Variants in CELF2 observed in about 807,000 individuals in gnomAD.
CELF2 encodes CUGBP Elav-like family member 2.
A neutral mutation model predicts 62.6 loss-of-function variants in CELF2; 8 were observed. The ratio of observed to expected loss-of-function variants is 0.13; its 90% CI spans 0.07 to 0.23. The LOEUF (loss-of-function observed/expected upper bound fraction) is 0.23, where lower values mean the gene tolerates loss of function less well. CELF2 is among the 10% of genes least tolerant of loss of function. The pLI is 1.00. For missense variants in CELF2, 333 were observed against 671.0 expected (o/e 0.50, Z 5.56); for synonymous variants, 258 against 250.0 (o/e 1.03, Z -0.30).
In CELF2 at chr10:11,275,229, A is replaced by G. The variant is rs1590352053; in HGVS notation, c.841+109A>G. On this transcript the variant is annotated intron_variant, in intron 8 of 12. Coordinates refer to ENST00000633077, the MANE Select transcript of CELF2 (RefSeq NM_001326342.2). ...GGGAAGAGAACCAAGAATGATGATC[A>G]GACTTGTTAGCTTTCTGTCTTTGGT... 1.7e-5 allele frequency: 19 copies of G among 1,093,764 alleles called. No homozygotes were observed. In the East Asian group the frequency reaches 1.9e-4, roughly 11 times the overall value. 67.8% of individuals were successfully genotyped at this position (1,093,764 alleles called of 1,614,324 possible). A position where few individuals can be genotyped will look rare whatever the true frequency, so the allele number is the denominator to read the frequency against.
chr10:10,825,490 A>T (rs1203461583), intron 1 of CELF2, among the ~76,000 whole-genome samples: 1 of 152,192 alleles, frequency 6.6e-6, no homozygotes, highest in Non-Finnish European at 1.5e-5. Context: ...GATTACAGGC[A>T]TGAGCCACCG....
chr10:11,315,523 T>C lies in CELF2; in HGVS notation c.1096+1265T>C, dbSNP rs1345790047. On this transcript the variant is annotated intron_variant, in intron 10 of 12. Transcript: ENST00000633077. The surrounding 1 kb of genome is among the most constrained non-coding windows in gnomAD (Gnocchi z 5.8). Reference sequence around the variant, plus strand: ...AAATTTATCCAAATAAAAATTAACTTGTATAATCCTGATAAATCATTTTCA... The same window carrying C: ...AAATTTATCCAAATAAAAATTAACTCGTATAATCCTGATAAATCATTTTCA... 6.6e-6 allele frequency among the ~76,000 whole-genome samples: 1 copy of C among 152,236 alleles called. No homozygotes were observed. The highest frequency in any genetic ancestry group is 2.4e-5 in the African/African-American group (1 of 41,460).
chr10:10,642,237 A>G, the CELF2 span, among the ~76,000 whole-genome samples: 9 of 152,204 alleles, frequency 5.9e-5, no homozygotes, highest in East Asian at 1.5e-3. Context: ...TCCCCACTTT[A>G]CACATTTATT....
chr10:11,051,273 A>G (rs2063865262), intron 1 of CELF2, among the ~76,000 whole-genome samples: 1 of 152,222 alleles, frequency 6.6e-6, no homozygotes, highest in South Asian at 2.1e-4. Flanking sequence ...TACAGATGCT[A>G]TCTTGAAAAC....
intron 2 of CELF2, among the ~76,000 whole-genome samples, chr10:11,202,150 G>GT (rs1418188465): frequency 6.6e-6 from 1 of 152,094 alleles, no homozygotes; most frequent in East Asian, 1.9e-4. Context: ...TGATTCTATG[G>GT]TTTATATCAA....
the CELF2 span, among the ~76,000 whole-genome samples, chr10:10,642,903 T>C: frequency 2.0e-5 from 3 of 152,194 alleles, no homozygotes; most frequent in South Asian, 2.1e-4. Context: ...CTGACCCCGG[T>C]GTTGCCACTC....
At chr10:10,883,745 A>G (rs2061579907) in intron 1 of CELF2, among the ~76,000 whole-genome samples, 1 of 152,304 alleles carries the variant, frequency 6.6e-6, no homozygotes, top group Admixed American at 6.5e-5. Context: ...GGGTACAGCC[A>G]AGGCCACTTG....
chr10:10,689,569 T>C, the CELF2 span, among the ~76,000 whole-genome samples: 4 of 152,192 alleles, frequency 2.6e-5, no homozygotes, highest in African/African-American at 4.8e-5. Flanking sequence ...TATGAAATAC[T>C]TTCAACATGC....
rs1591525784 is a variant in CELF2, at chr10:11,321,735, A to G, written c.1294+349A>G. 6.6e-6 allele frequency among the ~76,000 whole-genome samples: 1 copy of G among 152,244 alleles called. No homozygotes were observed. The highest frequency in any genetic ancestry group is 1.9e-4 in the East Asian group (1 of 5,172). On this transcript the variant is annotated intron_variant, in intron 11 of 12. Transcript: ENST00000633077. The surrounding 1 kb of genome is among the most constrained non-coding windows in gnomAD (Gnocchi z 6.2). Reference sequence around the variant, plus strand: ...AAACCTATTTATTTCAGTCTTTCTCACTTGGTCTTATAGTTACCTTCTAAT... The same window carrying G: ...AAACCTATTTATTTCAGTCTTTCTCGCTTGGTCTTATAGTTACCTTCTAAT...
At chr10:11,068,094 G>T (rs2140859572) in intron 1 of CELF2, among the ~76,000 whole-genome samples, 1 of 152,328 alleles carries the variant, frequency 6.6e-6, no homozygotes, top group East Asian at 1.9e-4. Flanking sequence ...TGTGGAGATA[G>T]AACCAAATTT....
chr10:11,008,343 A>C lies in CELF2; in HGVS notation c.53+2903A>C, dbSNP rs550604707. On this transcript the variant is annotated intron_variant, in intron 1 of 12. Coordinates refer to the CELF2 transcript ENST00000416382. The surrounding 1 kb of genome is among the most constrained non-coding windows in gnomAD (Gnocchi z 4.5). ...GAATATTCACATAGATGTGTTCAGCAGACCACAGACTGAGATCTCTAACCC... is the reference window on the plus strand; with the variant it reads ...GAATATTCACATAGATGTGTTCAGCCGACCACAGACTGAGATCTCTAACCC... 3.3e-5 allele frequency among the ~76,000 whole-genome samples: 5 copies of C among 152,354 alleles called. No homozygotes were observed. The South Asian group carries it at 6.2e-4, about 19-fold the overall frequency.
rs2078549558 is a variant in CELF2, at chr10:11,255,769, C to A, written c.404-1969C>A. ...CTCCATTTCTAGGAGAGAAAAGAGT[C>A]TAAACTTTCATTCCATGGATGACAA... On this transcript the variant is annotated intron_variant, in intron 4 of 12. Coordinates refer to ENST00000633077, the MANE Select transcript of CELF2 (RefSeq NM_001326342.2). This position sits in a 1 kb window ranked among gnomAD's most constrained non-coding sequence, Gnocchi z 5.5. 6.6e-6 allele frequency among the ~76,000 whole-genome samples: 1 copy of A among 152,120 alleles called. No homozygotes were observed. Among genetic ancestry groups the A allele is most frequent in the Admixed American group, 6.5e-5 (1 of 15,276 alleles).
rs1409998904 is a variant in CELF2, at chr10:11,311,144, C to T, written c.977-2995C>T. On this transcript the variant is annotated intron_variant, in intron 9 of 12. Coordinates refer to ENST00000633077, the MANE Select transcript of CELF2 (RefSeq NM_001326342.2). This position sits in a 1 kb window ranked among gnomAD's most constrained non-coding sequence, Gnocchi z 4.7. ...TGTAAAGATGAACAAAAAATACTCC[C>T]CACTAGAAAACTACAAGGAAAACTG... Among the ~76,000 whole-genome samples, 2 of 152,088 alleles carry T rather than the reference C, an allele frequency of 1.3e-5. No homozygotes were observed. The highest frequency in any genetic ancestry group is 2.9e-5 in the Non-Finnish European group (2 of 68,008).
At chr10:10,873,354 T>G (rs1257734995) in intron 1 of CELF2, among the ~76,000 whole-genome samples, 1 of 152,160 alleles carries the variant, frequency 6.6e-6, no homozygotes, top group Non-Finnish European at 1.5e-5. Context: ...GAACTTAAAA[T>G]AAATAAATAA....
intron 1 of CELF2, among the ~76,000 whole-genome samples, chr10:10,876,396 T>G (rs903315068): frequency 6.6e-6 from 1 of 152,184 alleles, no homozygotes; most frequent in Admixed American, 6.5e-5. Flanking sequence ...TGTGCTAAAC[T>G]GTGCCATTGT....
chr10:10,495,316 A>C, the CELF2 span, among the ~76,000 whole-genome samples: 1 of 152,144 alleles, frequency 6.6e-6, no homozygotes, highest in African/African-American at 2.4e-5. Flanking sequence ...GAACATCAAA[A>C]AGAGTTCATA....
intron 1 of CELF2, among the ~76,000 whole-genome samples, chr10:11,107,019 C>G (rs917330680): frequency 6.6e-6 from 1 of 152,216 alleles, no homozygotes; most frequent in Non-Finnish European, 1.5e-5. Context: ...CCCAGCCCTT[C>G]CAGACATCCC....
chr10:11,080,036 T>A (rs2073552139), intron 1 of CELF2, among the ~76,000 whole-genome samples: 2 of 152,354 alleles, frequency 1.3e-5, no homozygotes, highest in South Asian at 4.1e-4. Flanking sequence ...ATAAATGTTT[T>A]AGCCATATTT....
chr10:10,695,434 T>G, the CELF2 span, among the ~76,000 whole-genome samples: 2 of 150,348 alleles, frequency 1.3e-5, no homozygotes, highest in African/African-American at 4.9e-5. Flanking sequence ...CTGGCTGCCC[T>G]TAACGTTTTT....
Sources: allele counts gnomAD v4.1 joint callset (sites outside exome capture counted in the v4.1 genomes callset), GRCh38; gene constraint gnomAD v4.1.1; non-coding constraint Gnocchi (gnomAD v3.1); transcripts MANE v1.5; gene names NCBI Gene and HGNC (gene_info 2026-07-23, HGNC 2026-07-21).